Variants in ASAP1 observed in about 807,000 individuals in gnomAD.
ASAP1 encodes arf-GAP with SH3 domain, ANK repeat and PH domain-containing protein 1.
A neutral mutation model predicts 145.2 loss-of-function variants in ASAP1; 43 were observed. The ratio of observed to expected loss-of-function variants is 0.30; its 90% confidence interval spans 0.23 to 0.38. The LOEUF (loss-of-function observed/expected upper bound fraction) is 0.38. Among genes scored for constraint, ASAP1 ranks in the 10% least tolerant of loss-of-function variants. The probability of loss-of-function intolerance (pLI) is 1.00; values close to 1 mark genes in which losing one functional copy is unlikely to be tolerated. For synonymous variants in ASAP1, 546 were observed against 515.5 expected, an observed-to-expected ratio of 1.06 and a Z score of -0.80; for missense variants, 1,018 against 1,355.3, an observed-to-expected ratio of 0.75 and a Z score of 3.91.
chr8:130,129,942 T>C (rs182799127), intron 15 of ASAP1, among the ~76,000 whole-genome samples: 1 of 152,352 alleles, frequency 6.6e-6, no homozygotes, highest in East Asian at 1.9e-4. Flanking sequence ...CTAGAAATTG[T>C]TTTGTTAAAA....
chr8:130,261,922 A>G (rs1454554489), intron 3 of ASAP1, among the ~76,000 whole-genome samples: 1 of 152,124 alleles, frequency 6.6e-6, no homozygotes, highest in Non-Finnish European at 1.5e-5. Context: ...CATATCATAT[A>G]TATATAATAA....
At position 130,052,471 on chromosome 8, in the gene ASAP1, GAT is replaced by G. The variant is rs1351673732; in HGVS notation, c.*2258_*2259del. The G allele has an allele frequency of 6.6e-6, 1 of 152,422 alleles. No homozygotes were observed. The highest frequency in any genetic ancestry group is 1.9e-4 in the East Asian group (1 of 5,194). 9.4% of individuals were successfully genotyped at this position (152,422 alleles called of 1,614,324 possible). On this transcript the variant is annotated 3_prime_UTR_variant, in exon 30 of 30. Transcript: ENST00000518721. ...ATACTATATAATGTACAAAATTGCA[GAT>G]AGTGGCTTACTGAGTTTAAGATCAA...
At chr8:130,068,711 C>T (rs1319307498) in intron 27 of ASAP1, among the ~76,000 whole-genome samples, 1 of 152,162 alleles carries the variant, frequency 6.6e-6, no homozygotes, top group African/African-American at 2.4e-5. Flanking sequence ...GGTCTGTTCA[C>T]CCTGAGAAGG....
chr8:130,380,372 A>G (rs1025927413), intron 2 of ASAP1, among the ~76,000 whole-genome samples: 1 of 152,104 alleles, frequency 6.6e-6, no homozygotes, highest in Non-Finnish European at 1.5e-5. Context: ...TGGGGAGTGA[A>G]CTCCCAGCAC....
intron 3 of ASAP1, among the ~76,000 whole-genome samples, chr8:130,284,630 A>G (rs1821483549): frequency 6.6e-6 from 1 of 152,072 alleles, no homozygotes; most frequent in African/African-American, 2.4e-5. Context: ...ACAATGAACC[A>G]CAGAGACCAC....
intron 12 of ASAP1, among the ~76,000 whole-genome samples, chr8:130,158,201 T>C (rs2097661706): frequency 6.6e-6 from 1 of 152,090 alleles, no homozygotes; most frequent in Middle Eastern, 3.4e-3. Flanking sequence ...ACAAGGAGCT[T>C]TCTTTTAAAA....
At position 130,338,900 on chromosome 8, in the gene ASAP1, C is replaced by A. The variant is rs144397070; in HGVS notation, c.186+19117G>T. On this transcript the variant is annotated intron_variant, in intron 3 of 29. Transcript: ENST00000518721. Reference sequence around the variant, plus strand: ...CAGAGCAGCAGTTGCTGGGCTCTTTCTGCACACTGGTTGGTCCAGAATTGG... The same window carrying A: ...CAGAGCAGCAGTTGCTGGGCTCTTTATGCACACTGGTTGGTCCAGAATTGG... Among the ~76,000 whole-genome samples the A allele has an allele frequency of 1.2e-3, 184 of 152,348 alleles. 1 individual carries two copies. Among genetic ancestry groups the A allele is most frequent in the African/African-American group, 4.1e-3 (171 of 41,586 alleles).
intron 24 of ASAP1, among the ~76,000 whole-genome samples, chr8:130,109,976 T>C (rs947167323): frequency 2.0e-5 from 3 of 152,154 alleles, no homozygotes; most frequent in East Asian, 1.9e-4. Context: ...TTGGGGGAAG[T>C]GGGGAAAGTA....
chr8:130,297,189 T>C (rs1586778514), intron 3 of ASAP1, among the ~76,000 whole-genome samples: 1 of 152,324 alleles, frequency 6.6e-6, no homozygotes, highest in Admixed American at 6.5e-5. Context: ...ATATATTATC[T>C]TTTAAAATCT....
chr8:130,118,947 G>A (rs187643848), intron 18 of ASAP1, among the ~76,000 whole-genome samples: 2 of 152,232 alleles, frequency 1.3e-5, no homozygotes, highest in Non-Finnish European at 1.5e-5. Flanking sequence ...CCAACAGCAT[G>A]AGAAATCAAC....
At chr8:130,393,944 C>G (rs1283772483) in intron 2 of ASAP1, among the ~76,000 whole-genome samples, 1 of 152,242 alleles carries the variant, frequency 6.6e-6, no homozygotes, top group Non-Finnish European at 1.5e-5. Flanking sequence ...CTTCCCCAAT[C>G]AATACCCTTG....
chr8:130,163,149 A>C (rs1279081118), intron 11 of ASAP1: 1 of 155,150 alleles, frequency 6.4e-6, no homozygotes, highest in Non-Finnish European at 1.4e-5. Context: ...AAAAACAAAA[A>C]CAAAAATGGA....
intron 3 of ASAP1, among the ~76,000 whole-genome samples, chr8:130,318,885 C>T (rs903825100): frequency 6.6e-6 from 1 of 152,190 alleles, no homozygotes; most frequent in Admixed American, 6.5e-5. Flanking sequence ...GGGCCTTCAG[C>T]TGATGGTCTC....
intron 3 of ASAP1, among the ~76,000 whole-genome samples, chr8:130,242,465 A>T (rs1818598495): frequency 6.6e-6 from 1 of 151,980 alleles, no homozygotes; most frequent in South Asian, 2.1e-4. Flanking sequence ...AGGGAATGCT[A>T]CTTTGGCCTA....
intron 1 of ASAP1, among the ~76,000 whole-genome samples, chr8:130,415,087 C>T (rs1829420258): frequency 1.3e-5 from 2 of 152,192 alleles, no homozygotes; most frequent in Non-Finnish European, 2.9e-5. Context: ...ATGCCTAGTG[C>T]ACAGCAGGTG....
intron 22 of ASAP1, among the ~76,000 whole-genome samples, chr8:130,116,281 C>A (rs1340850204): frequency 1.3e-5 from 2 of 152,306 alleles, no homozygotes; most frequent in East Asian, 3.9e-4. Flanking sequence ...AGGGGAGGGG[C>A]TGGGAGAACA....
chr8:130,161,933 T>C (rs935152923), intron 11 of ASAP1, among the ~76,000 whole-genome samples: 3 of 152,164 alleles, frequency 2.0e-5, no homozygotes, highest in African/African-American at 7.2e-5. Flanking sequence ...TCTGAGTAGC[T>C]GGGACTACAG....
intron 12 of ASAP1, among the ~76,000 whole-genome samples, chr8:130,159,380 T>C (rs1249546364): frequency 6.6e-6 from 1 of 151,544 alleles, no homozygotes; most frequent in Admixed American, 6.6e-5. Context: ...CCCAGCACTT[T>C]GGGAGGCTGA....
chr8:130,349,421 G>C (rs1056136101), intron 3 of ASAP1, among the ~76,000 whole-genome samples: 1 of 152,148 alleles, frequency 6.6e-6, no homozygotes, highest in Non-Finnish European at 1.5e-5. Flanking sequence ...ATAGCAACAA[G>C]GATAATAAGA....
Sources: gnomAD v4.1 joint callset for allele counts (sites outside exome capture counted in the v4.1 genomes callset) on GRCh38, gnomAD v4.1.1 for gene constraint, MANE v1.5 for transcripts, NCBI Gene and HGNC (gene_info 2026-07-23, HGNC 2026-07-21) for gene names.